The following GRAMD1B variants were observed in gnomAD, a reference collection of about 807,000 sequenced individuals.
GRAMD1B encodes the protein GRAM domain containing 1B, also known as protein Aster-B.
In GRAMD1B, 37 loss-of-function variants were observed where a neutral mutation model predicts 99.7. The ratio of observed to expected loss-of-function variants is 0.37; its 90% CI spans 0.29 to 0.49. GRAMD1B has a LOEUF of 0.49. GRAMD1B is among the 20% of genes least tolerant of loss of function. The probability of loss-of-function intolerance (pLI) is 0.98; values close to 1 mark genes in which losing one functional copy is unlikely to be tolerated. For synonymous variants in GRAMD1B, 427 were observed against 387.6 expected (o/e 1.10, Z -1.19); for missense variants, 888 against 1,009.2 (o/e 0.88, Z 1.63).
At chr11:123,375,562 T>A (rs1591376626) in intron 1 of GRAMD1B, among the ~76,000 whole-genome samples, 1 of 152,132 alleles carries the variant, frequency 6.6e-6, no homozygotes, top group East Asian at 1.9e-4. Context: ...GGCCAAGAAG[T>A]CATTTAAAAG....
intron 1 of GRAMD1B, among the ~76,000 whole-genome samples, chr11:123,440,500 C>T (rs1384572888): frequency 2.0e-5 from 3 of 151,866 alleles, no homozygotes; most frequent in Admixed American, 6.6e-5. Flanking sequence ...CTGAGTGAGA[C>T]TCCGTCTCAA....
intron 1 of GRAMD1B, among the ~76,000 whole-genome samples, chr11:123,359,713 C>T (rs539865985): frequency 1.3e-4 from 20 of 152,094 alleles, no homozygotes; most frequent in African/African-American, 2.7e-4. Flanking sequence ...ATATCGCGAA[C>T]GCTTGGCAAA....
chr11:123,614,950 G>A (rs1954148069), intron 17 of GRAMD1B, 115 bp downstream of exon 17: 1 of 602,282 alleles, frequency 1.7e-6, no homozygotes, highest in African/African-American at 1.8e-5. Flanking sequence ...CCTGGTTTTT[G>A]CCTTATCCTC....
At chr11:123,619,913 A>G (rs1342962446) in intron 19 of GRAMD1B, among the ~76,000 whole-genome samples, 3 of 152,242 alleles carry the variant, frequency 2.0e-5, no homozygotes, top group Non-Finnish European at 4.4e-5. Context: ...AGAAAATAAT[A>G]GACTCAGGAT....
rs1419590306 is a variant in GRAMD1B at position 123,626,153 on chromosome 11, C to A, written c.*3558C>A. On this transcript the variant is annotated 3_prime_UTR_variant, in exon 20 of 20. Coordinates refer to ENST00000635736, the MANE Select transcript of GRAMD1B (RefSeq NM_001387025.1). ...TTCAGCCTTTCATCTATCCATCCTT[C>A]CTCTTTATTGGTAGAAGAAACAGTG... is the stretch of plus-strand genomic sequence containing the variant. The A allele has an allele frequency of 6.6e-6, 1 of 152,172 alleles. No homozygotes were observed. The highest frequency in any genetic ancestry group is 1.5e-5 in the Non-Finnish European group (1 of 68,032). The allele number at this position is 152,172 out of a possible 1,614,324, so 9.4% of individuals were successfully genotyped here.
rs1207068677 is a variant in GRAMD1B, at chr11:123,600,493, G to A, written c.995G>A (p.Arg332Gln). Residue 332 changes from arginine to glutamine, a missense_variant, in exon 8 of 20, where the codon CGG becomes CAG. This residue lies in a region of GRAMD1B where 269 missense variants were observed against 296.6 expected (regional missense o/e 0.91). Transcript: ENST00000635736. ...EKHFFTSFGA[R>Q]DRTYMMMFRL... ...CACTTCTTCACTTCGTTTGGGGCCC[G>A]GGATAGGACATATATGATGATGTTC... 1.9e-6 allele frequency: 3 copies of A among 1,611,102 alleles called. No homozygotes were observed. The highest frequency in any genetic ancestry group is 1.7e-5 in the Admixed American group (1 of 59,852).
intron 1 of GRAMD1B, among the ~76,000 whole-genome samples, chr11:123,385,303 T>C (rs1169434810): frequency 6.6e-6 from 1 of 152,220 alleles, no homozygotes; most frequent in Non-Finnish European, 1.5e-5. Context: ...TCCTTAACTC[T>C]ACCTTGATCA....
rs147694359 is a variant in GRAMD1B at position 123,474,896 on chromosome 11, C to T, written c.375-5920C>T. ...GGGTGTGGGTAAATGTAGTTTCCAT[C>T]AGGCTCTGGAAATACTGCATTACAG... On this transcript the variant is annotated intron_variant, in intron 1 of 19. Transcript: ENST00000635736. Among the ~76,000 whole-genome samples the T allele has an allele frequency of 3.3e-5, 5 of 152,276 alleles. No individual in the cohort carries two copies. The East Asian group carries it at 9.7e-4, about 29-fold the overall frequency.
At chr11:123,598,594 T>C in intron 7 of GRAMD1B, 1 of 1,534,250 alleles carries the variant, frequency 6.5e-7, no homozygotes, top group Middle Eastern at 2.3e-4. Context: ...CCTTTGGTGC[T>C]GAATAGTCTC....
chr11:123,591,117 G>A lies in GRAMD1B; in HGVS notation c.685-2965G>A, dbSNP rs994263261. The A allele has an allele frequency of 1.1e-5, 3 of 275,366 alleles. No individual in the cohort carries two copies. Among genetic ancestry groups the A allele is most frequent in the Non-Finnish European group, 2.0e-5 (3 of 148,390 alleles). The allele number at this position is 275,366 out of a possible 1,614,324, so 17.1% of individuals were successfully genotyped here. A position where few individuals can be genotyped will look rare whatever the true frequency, so the allele number is the denominator to read the frequency against. ...GCTACTCTCTGCCCGTGGACCAGCC[G>A]AGAAGAAAGCAGAGCCCGCCATGGG... On this transcript the variant is annotated intron_variant, in intron 4 of 19. Coordinates refer to ENST00000635736, the MANE Select transcript of GRAMD1B (RefSeq NM_001387025.1). The surrounding 1 kb of genome is among the most constrained non-coding windows in gnomAD (Gnocchi z 4.7).
At chr11:123,395,973 T>TTTATTTATTTATTA (rs1491181234) in intron 1 of GRAMD1B, among the ~76,000 whole-genome samples, 1 of 152,188 alleles carries the variant, frequency 6.6e-6, no homozygotes, top group Non-Finnish European at 1.5e-5. Context: ...ACTAGAAGAC[T>TTTATTTATTTATTA]GTAATCTATT....
At chr11:123,537,962 G>A (rs1944131492) in intron 2 of GRAMD1B, among the ~76,000 whole-genome samples, 1 of 152,164 alleles carries the variant, frequency 6.6e-6, no homozygotes, top group South Asian at 2.1e-4. Context: ...CATAAGTTAG[G>A]ACAGTTTTTA....
intron 2 of GRAMD1B, among the ~76,000 whole-genome samples, chr11:123,499,703 C>T: frequency 6.6e-6 from 1 of 152,154 alleles, no homozygotes; most frequent in East Asian, 1.9e-4. Context: ...GACCCTGATT[C>T]AAATGGTGGT....
chr11:123,514,619 A>T (rs1167402289), intron 2 of GRAMD1B, among the ~76,000 whole-genome samples: 2 of 152,214 alleles, frequency 1.3e-5, no homozygotes, highest in Non-Finnish European at 2.9e-5. Flanking sequence ...CTTAGGATGC[A>T]TGTGGAAGAC....
chr11:123,621,935 C>CTCTCT (rs1565482594), intron 19 of GRAMD1B, among the ~76,000 whole-genome samples: 17 of 37,972 alleles, frequency 4.5e-4, no homozygotes, highest in South Asian at 1.6e-3. Context: ...TTCCTTCCTT[C>CTCTCT]CTTTCTCTCT....
At position 123,492,026 on chromosome 11, in the gene GRAMD1B, T is replaced by C; in HGVS notation, c.452+11133T>C. 2.5e-6 allele frequency: 1 copy of C among 398,186 alleles called. No homozygotes were observed. The highest frequency in any genetic ancestry group is 4.4e-6 in the Non-Finnish European group (1 of 225,650). 24.7% of individuals were successfully genotyped at this position (398,186 alleles called of 1,614,324 possible). A position where few individuals can be genotyped will look rare whatever the true frequency, so the allele number is the denominator to read the frequency against. On this transcript the variant is annotated intron_variant, in intron 2 of 19. Coordinates refer to ENST00000635736, the MANE Select transcript of GRAMD1B (RefSeq NM_001387025.1). The surrounding 1 kb of genome is among the most constrained non-coding windows in gnomAD (Gnocchi z 4.2). ...GGGTTGGCTCCCATGTTTGGAGATATTGTAGGTCCCTGCCCAAGAGGGACA... is the reference window on the plus strand; with the variant it reads ...GGGTTGGCTCCCATGTTTGGAGATACTGTAGGTCCCTGCCCAAGAGGGACA...
intron 7 of GRAMD1B, among the ~76,000 whole-genome samples, chr11:123,600,261 A>G (rs575060182): frequency 4.6e-5 from 7 of 152,294 alleles, no homozygotes; most frequent in Admixed American, 2.0e-4. Flanking sequence ...GGACTTTGTC[A>G]CACTGGGAAC....
chr11:123,614,712 C>G, intron 16 of GRAMD1B, 33 bp from the exon 17 acceptor site: 1 of 1,365,632 alleles, frequency 7.3e-7, no homozygotes, highest in Non-Finnish European at 1.0e-6. Flanking sequence ...TTGTGGGTCA[C>G]CATGGTGATG....
intron 1 of GRAMD1B, among the ~76,000 whole-genome samples, chr11:123,365,902 T>C (rs1308125232): frequency 6.6e-6 from 1 of 152,182 alleles, no homozygotes; most frequent in Non-Finnish European, 1.5e-5. Flanking sequence ...TCTTTAAAGG[T>C]GACTCCTGCC....
Sources: allele counts gnomAD v4.1 joint callset (sites outside exome capture counted in the v4.1 genomes callset), GRCh38; gene constraint gnomAD v4.1.1; regional missense constraint gnomAD v4.1.1; non-coding constraint Gnocchi (gnomAD v3.1); transcripts MANE v1.5; gene names NCBI Gene and HGNC (gene_info 2026-07-23, HGNC 2026-07-21).